GART: variants seen among roughly 807,000 people sequenced by gnomAD.
The protein encoded by GART is trifunctional purine biosynthetic protein adenosine-3.
GART carries 43 observed loss-of-function variants against 107.2 expected under a neutral mutation model. That is an observed-to-expected ratio of 0.40 (90% confidence interval 0.31 to 0.52). GART has a LOEUF of 0.52. Ranked by LOEUF, GART falls within the 20% of genes least tolerant of loss-of-function variation. The pLI is 0.52. For synonymous variants in GART, 434 were observed against 427.0 expected, an observed-to-expected ratio of 1.02 and a Z score of -0.20; for missense variants, 1,107 against 1,206.5, an observed-to-expected ratio of 0.92 and a Z score of 1.22.
rs570636858 is a variant in GART at position 33,507,796 on chromosome 21, C to T, written c.2453-1692G>A. 3.9e-5 allele frequency among the ~76,000 whole-genome samples: 6 copies of T among 152,250 alleles called. No individual in the cohort carries two copies. In the South Asian group the frequency reaches 1.2e-3, roughly 32 times the overall value. On this transcript the variant is annotated intron_variant, in intron 18 of 21. Coordinates refer to ENST00000381815, the MANE Select transcript of GART (RefSeq NM_000819.5). ...GCAGTGAGCCGAGTCTGCGCCACTGCACTCCAGCCTGGGCGACAGAGTGAG... is the reference window on the plus strand; with the variant it reads ...GCAGTGAGCCGAGTCTGCGCCACTGTACTCCAGCCTGGGCGACAGAGTGAG...
At chr21:33,535,886 G>C (rs1241963400) in intron 2 of GART, among the ~76,000 whole-genome samples, 1 of 152,054 alleles carries the variant, frequency 6.6e-6, no homozygotes, top group Non-Finnish European at 1.5e-5. Context: ...AAAGTAGCTG[G>C]GTGTGGGGGC....
intron 16 of GART, among the ~76,000 whole-genome samples, chr21:33,512,289 G>GAAAAAAA (rs563178142): frequency 1.2e-4 from 8 of 65,444 alleles, no homozygotes; most frequent in Non-Finnish European, 1.3e-4. Flanking sequence ...GACTCAAATT[G>GAAAAAAA]AAAAAAAAAA....
In GART at chr21:33,520,955, T is replaced by C. The variant is rs772342657; in HGVS notation, c.1454A>G (p.Lys485Arg). The change falls in exon 13 of 22, where the codon AAA becomes AGA. Residue 485 changes from lysine (K) to arginine (R), a missense_variant. Coordinates refer to ENST00000381815, the MANE Select transcript of GART (RefSeq NM_000819.5). The stretch of plus-strand genomic sequence containing the variant: ...TGTTCCAGAGGCCAGAAGGGGATCT[T>C]TGAAACCAGCTGCTTTTAAATCAAA... Reference protein sequence around the residue: ...GLFDLKAAGFKDPLLASGTDG... With the variant: ...GLFDLKAAGFRDPLLASGTDG... The C allele has an allele frequency of 1.2e-6, 2 of 1,614,154 alleles. No homozygotes were observed. Among genetic ancestry groups the C allele is most frequent in the Admixed American group, 1.7e-5 (1 of 60,032 alleles).
At chr21:33,513,751 C>A (rs910874187) in intron 16 of GART, among the ~76,000 whole-genome samples, 1 of 152,038 alleles carries the variant, frequency 6.6e-6, no homozygotes, top group East Asian at 1.9e-4. Context: ...AATAGTGGTA[C>A]ATCTGTAAAA....
rs567473082 is a variant in GART at position 33,530,750 on chromosome 21, G to A, written c.723+9C>T. The A allele has an allele frequency of 1.7e-5, 25 of 1,442,068 alleles. No homozygotes were observed. Among genetic ancestry groups the A allele is most frequent in the African/African-American group, 7.4e-5 (5 of 67,480 alleles). The allele number at this position is 1,442,068 out of a possible 1,614,324, so 89.3% of individuals were successfully genotyped here. ...ACTACAAGACTTCAGCAGAGTCTTC[G>A]GGAAGTACCTGAGGGGCTGGACAAT... On this transcript the variant is annotated intron_variant, in intron 7 of 21. Coordinates refer to ENST00000381815, the MANE Select transcript of GART (RefSeq NM_000819.5).
chr21:33,535,153 A>G, intron 3 of GART, 72 bp downstream of exon 3: 1 of 891,920 alleles, frequency 1.1e-6, no homozygotes, highest in Non-Finnish European at 1.6e-6. Context: ...TGTAAAATGA[A>G]TTGGATTAGA....
chr21:33,531,404 G>T, intron 6 of GART, 85 bp downstream of exon 6: 2 of 1,154,852 alleles, frequency 1.7e-6, no homozygotes, highest in Non-Finnish European at 2.5e-6. Flanking sequence ...GAAGCAACCA[G>T]AGTATATCAA....
chr21:33,504,657 A>C (rs2084648783), intron 20 of GART, 130 bp from the exon 21 acceptor site: 1 of 669,088 alleles, frequency 1.5e-6, no homozygotes, highest in Admixed American at 2.8e-5. Flanking sequence ...TTTCTTTGCC[A>C]AACACAGAAA....
Position 33,522,249 on chromosome 21 carries a change from G to A in GART, c.1332C>T (p.Ile444=), listed in dbSNP as rs777303334. 115 of 1,613,746 alleles carry A rather than the reference G, an allele frequency of 7.1e-5. 2 individuals are homozygous for A. The South Asian group carries it at 1.2e-3, about 16-fold the overall frequency. The part of the protein sequence containing the change: ...SLTYKESGVD[I]AAGNMLVKKI... ...TCTTGACCAGCATATTTCCAGCTGC[G>A]ATATCTACTCCAGATTCCTTGTAAG... Residue 444 remains isoleucine (I), a synonymous_variant, in exon 12 of 22, where the codon ATC becomes ATT. Coordinates refer to ENST00000381815, the MANE Select transcript of GART (RefSeq NM_000819.5).
At chr21:33,536,815 G>A (rs868770602) in intron 2 of GART, among the ~76,000 whole-genome samples, 10 of 152,126 alleles carry the variant, frequency 6.6e-5, no homozygotes, top group African/African-American at 7.2e-5. Context: ...CAGGTTGGAC[G>A]GCACAAAATT....
chr21:33,541,142 T>TTTTA (rs58403623), intron 1 of GART, among the ~76,000 whole-genome samples: 13 of 152,154 alleles, frequency 8.5e-5, no homozygotes, highest in Admixed American at 1.3e-4. Flanking sequence ...AGATTTTTTA[T>TTTTA]TTTATTTATT....
upstream of GART, chr21:33,542,222 A>G (rs1469889065): frequency 2.6e-5 from 4 of 152,212 alleles, no homozygotes; most frequent in Non-Finnish European, 5.9e-5. Context: ...CCGCGGCGAG[A>G]ATCTAGTCTG....
chr21:33,519,411 G>C (rs779041906), intron 14 of GART, among the ~76,000 whole-genome samples: 2 of 151,996 alleles, frequency 1.3e-5, no homozygotes, highest in Non-Finnish European at 2.9e-5. Flanking sequence ...AAAATTAGCC[G>C]GGTGTGGTGG....
rs748893365 is a variant in GART at position 33,504,196 on chromosome 21, G to T, written c.2961C>A (p.Ala987=). 6 of 1,614,136 alleles carry T rather than the reference G, an allele frequency of 3.7e-6. No individual in the cohort carries two copies. In the Admixed American group the frequency reaches 8.3e-5, roughly 22 times the overall value. The change falls in exon 22 of 22, where the codon GCC becomes GCA. Residue 987 remains alanine, a synonymous_variant. Coordinates refer to ENST00000381815, the MANE Select transcript of GART (RefSeq NM_000819.5). ...KLAEHKIFPA[A]LQLVASGTVQ... is the part of the protein sequence containing the mutation. ...CAGTTCCACTGGCCACCAGCTGAAG[G>T]GCTGCAGGAAATATTTTATGTTCTG...
At chr21:33,518,029 G>C (rs2084908510) in intron 14 of GART, among the ~76,000 whole-genome samples, 1 of 152,146 alleles carries the variant, frequency 6.6e-6, no homozygotes, top group Non-Finnish European at 1.5e-5. Context: ...AAATACCCTA[G>C]CTTAAAAAGT....
intron 10 of GART, among the ~76,000 whole-genome samples, chr21:33,525,518 C>T (rs981503237): frequency 4.6e-5 from 7 of 152,200 alleles, no homozygotes; most frequent in African/African-American, 1.7e-4. Flanking sequence ...GCAACCTCTG[C>T]CTCCTGGGTT....
rs181231220 is a variant in GART, at chr21:33,522,096, G to C, written c.1393+92C>G. On this transcript the variant is annotated intron_variant, in intron 12 of 21. Coordinates refer to ENST00000381815, the MANE Select transcript of GART (RefSeq NM_000819.5). ...GCAAAACTTACAGTAACCAAGCATT[G>C]CTTTGGAAAATATTCCTGTTAAATA... 2.1e-5 allele frequency: 20 copies of C among 968,162 alleles called. No homozygotes were observed. The African/African-American group carries it at 2.2e-4, about 11-fold the overall frequency. The allele number at this position is 968,162 out of a possible 1,614,324, so 60.0% of individuals were successfully genotyped here.
chr21:33,530,650 T>G (rs1207703484), intron 7 of GART, 109 bp downstream of exon 7: 3 of 1,132,254 alleles, frequency 2.6e-6, no homozygotes, highest in Non-Finnish European at 3.5e-6. Context: ...AGTAACATAA[T>G]TCATAGCAAC....
In GART at chr21:33,541,833, A is replaced by G. The variant is rs77505336; in HGVS notation, c.-42+232T>C. On this transcript the variant is annotated intron_variant, in intron 1 of 21. Coordinates refer to ENST00000381815, the MANE Select transcript of GART (RefSeq NM_000819.5). The stretch of plus-strand genomic sequence containing the variant: ...TTAGGGTTATGTCCTAAAAATGTAT[A>G]AAGACACAAAAAGGCCTTGACATCT... Among the ~76,000 whole-genome samples the G allele has an allele frequency of 8.3e-3, 1,263 of 152,342 alleles. 21 individuals are homozygous for G. Among genetic ancestry groups the G allele is most frequent in the African/African-American group, 0.029 (1,216 of 41,576 alleles).
Sources: gnomAD v4.1 joint callset for allele counts (sites outside exome capture counted in the v4.1 genomes callset) on GRCh38, gnomAD v4.1.1 for gene constraint, MANE v1.5 for transcripts, NCBI Gene and HGNC (gene_info 2026-07-23, HGNC 2026-07-21) for gene names.